The following ENTREP2 variants were observed in gnomAD, a reference collection of about 807,000 sequenced individuals.
The protein encoded by ENTREP2 is protein ENTREP2.
the ENTREP2 span, among the ~76,000 whole-genome samples, chr15:29,572,208 G>A: frequency 6.6e-6 from 1 of 152,200 alleles, no homozygotes; most frequent in Non-Finnish European, 1.5e-5. Context: ...GGATGAACAG[G>A]GGGTAGGGAA....
the ENTREP2 span, among the ~76,000 whole-genome samples, chr15:29,350,425 A>C: frequency 6.6e-6 from 1 of 152,132 alleles, no homozygotes; most frequent in African/African-American, 2.4e-5. Context: ...CTTTTCAAAG[A>C]ATTTTTGATT....
chr15:29,606,032 T>C, the ENTREP2 span, among the ~76,000 whole-genome samples: 1 of 152,104 alleles, frequency 6.6e-6, no homozygotes. Context: ...GTTTTCATTT[T>C]TATTTTTATA....
At chr15:29,635,214 G>A in the ENTREP2 span, among the ~76,000 whole-genome samples, 21 of 152,244 alleles carry the variant, frequency 1.4e-4, no homozygotes, top group African/African-American at 4.1e-4. Flanking sequence ...CAACCTCCAC[G>A]TTGGGGGGTT....
At chr15:29,656,015 C>G in the ENTREP2 span, among the ~76,000 whole-genome samples, 1 of 138,010 alleles carries the variant, frequency 7.2e-6, no homozygotes, top group Non-Finnish European at 1.5e-5. Context: ...CAAAGCAACA[C>G]TCCGTTTAAA....
the ENTREP2 span, among the ~76,000 whole-genome samples, chr15:29,615,458 C>G: frequency 1.3e-5 from 2 of 152,236 alleles, no homozygotes; most frequent in East Asian, 3.9e-4. Context: ...CTGGCCCCCT[C>G]TCACATTTTG....
chr15:29,452,547 C>T, the ENTREP2 span: 1 of 152,198 alleles, frequency 6.6e-6, no homozygotes, highest in Non-Finnish European at 1.5e-5. Context: ...GACAATTATA[C>T]CACACCACAG....
the ENTREP2 span, among the ~76,000 whole-genome samples, chr15:29,335,678 A>G: frequency 2.0e-5 from 3 of 152,168 alleles, no homozygotes; most frequent in Non-Finnish European, 4.4e-5. Flanking sequence ...CCCCAGCCAG[A>G]GGTCAGCCAC....
At chr15:29,250,544 C>A in the ENTREP2 span, among the ~76,000 whole-genome samples, 1 of 152,086 alleles carries the variant, frequency 6.6e-6, no homozygotes, top group Admixed American at 6.5e-5. Flanking sequence ...AGATTAAGAC[C>A]AGGAGGGGTC....
chr15:29,381,058 G>A, the ENTREP2 span, among the ~76,000 whole-genome samples: 1 of 151,282 alleles, frequency 6.6e-6, no homozygotes, highest in Non-Finnish European at 1.5e-5. Context: ...TCACCATGTT[G>A]GCCAGGCTGG....
At chr15:29,163,530 A>G in the ENTREP2 span, among the ~76,000 whole-genome samples, 3 of 152,272 alleles carry the variant, frequency 2.0e-5, no homozygotes, top group South Asian at 6.2e-4. Context: ...ATGCTCTGGA[A>G]AGTCTCAGGA....
chr15:29,393,838 T>C, the ENTREP2 span, among the ~76,000 whole-genome samples: 1 of 152,162 alleles, frequency 6.6e-6, no homozygotes, highest in Non-Finnish European at 1.5e-5. Context: ...CCACATATCC[T>C]ATTATTTATT....
chr15:29,611,688 CT>C, the ENTREP2 span, among the ~76,000 whole-genome samples: 1 of 152,116 alleles, frequency 6.6e-6, no homozygotes, highest in Non-Finnish European at 1.5e-5. Context: ...TCTCAAGTGG[CT>C]TTATCTCGGG....
chr15:29,673,103 C>T, the ENTREP2 span, among the ~76,000 whole-genome samples: 1 of 152,038 alleles, frequency 6.6e-6, no homozygotes, highest in Non-Finnish European at 1.5e-5. Flanking sequence ...ATTTGTGAAC[C>T]GTAATGGTGC....
At chr15:29,155,736 G>A in the ENTREP2 span, among the ~76,000 whole-genome samples, 6 of 152,136 alleles carry the variant, frequency 3.9e-5, no homozygotes, top group African/African-American at 1.4e-4. Context: ...TGGGGCAATC[G>A]TAGGGCTCAC....
At chr15:29,149,581 G>A in the ENTREP2 span, among the ~76,000 whole-genome samples, 7 of 152,312 alleles carry the variant, frequency 4.6e-5, no homozygotes, top group Admixed American at 1.3e-4. Flanking sequence ...TCCCACAGAT[G>A]AGCGGACTCA....
the ENTREP2 span, among the ~76,000 whole-genome samples, chr15:29,663,534 TA>T: frequency 6.6e-6 from 1 of 151,986 alleles, no homozygotes; most frequent in Non-Finnish European, 1.5e-5. Context: ...TGTGCAGCCA[TA>T]AAAAAGAATG....
chr15:29,223,671 C>G, the ENTREP2 span, among the ~76,000 whole-genome samples: 1 of 152,036 alleles, frequency 6.6e-6, no homozygotes, highest in African/African-American at 2.4e-5. Flanking sequence ...AAACACAATG[C>G]GGGCCCAGTA....
the ENTREP2 span, among the ~76,000 whole-genome samples, chr15:29,533,324 G>A: frequency 6.6e-6 from 1 of 152,090 alleles, no homozygotes; most frequent in African/African-American, 2.4e-5. Context: ...TAAAAATTAC[G>A]CATTTTGGTT....
chr15:29,146,938 GA>G, the ENTREP2 span, among the ~76,000 whole-genome samples: 3,014 of 145,290 alleles, frequency 0.021, 73 homozygotes, highest in African/African-American at 0.059. Context: ...CCATCTTGGG[GA>G]AAAAAAAAAA....
Sources: gnomAD v4.1 joint callset for allele counts (sites outside exome capture counted in the v4.1 genomes callset) on GRCh38, gnomAD v4.1.1 for gene constraint, MANE v1.5 for transcripts, NCBI Gene and HGNC (gene_info 2026-07-23, HGNC 2026-07-21) for gene names.